The following KCNJ6 variants were observed in gnomAD, a reference collection of about 807,000 sequenced individuals.
KCNJ6 encodes G protein-activated inward rectifier potassium channel 2.
KCNJ6 carries 9 observed loss-of-function variants against 34.2 expected under a neutral mutation model. The observed-to-expected ratio is 0.26, with a 90% CI of 0.16 to 0.46. The LOEUF (loss-of-function observed/expected upper bound fraction) is 0.46. Among genes scored for constraint, KCNJ6 ranks in the 20% least tolerant of loss-of-function variants. KCNJ6 has a pLI of 1.00. For missense variants in KCNJ6, 236 were observed against 531.3 expected, an observed-to-expected ratio of 0.44 and a Z score of 5.46; for synonymous variants, 196 against 207.1, an observed-to-expected ratio of 0.95 and a Z score of 0.46.
chr21:37,914,008 G>GGTGTGT (rs371432862), intron 1 of KCNJ6, among the ~76,000 whole-genome samples: 13,642 of 135,436 alleles, frequency 0.1, 843 homozygotes, highest in South Asian at 0.17. Flanking sequence ...GGCGGATCGG[G>GGTGTGT]GTGTGTGTGT....
intron 3 of KCNJ6, among the ~76,000 whole-genome samples, chr21:37,686,793 G>A (rs74276365): frequency 2.0e-5 from 3 of 151,954 alleles, no homozygotes; most frequent in Non-Finnish European, 4.4e-5. Flanking sequence ...ATCGGGACAC[G>A]GGTGGAGACA....
rs952430812 is a variant in KCNJ6 at position 37,612,680 on chromosome 21, CAACA to C, written c.*12475_*12478del. The C allele has an allele frequency of 2.5e-5, 3 of 119,058 alleles. No homozygotes were observed. The allele number at this position is 119,058 out of a possible 1,614,324, so 7.4% of individuals were successfully genotyped here. ...AACAGTGCGGCAAAGAGGGTCTTTT[CAACA>C]AACGGTGTTGAAATAGCTGCACATT... On this transcript the variant is annotated 3_prime_UTR_variant, in exon 4 of 4. Transcript: ENST00000609713.
At chr21:37,707,916 C>A (rs557258623) in intron 3 of KCNJ6, among the ~76,000 whole-genome samples, 1 of 152,048 alleles carries the variant, frequency 6.6e-6, no homozygotes, top group East Asian at 2.0e-4. Flanking sequence ...CGTTCATCTC[C>A]TAATTTGGAT....
At chr21:37,871,933 G>A (rs1222753539) in intron 1 of KCNJ6, among the ~76,000 whole-genome samples, 1 of 152,202 alleles carries the variant, frequency 6.6e-6, no homozygotes, top group African/African-American at 2.4e-5. Context: ...AAATAACTCA[G>A]AAACATATGG....
At chr21:37,893,006 CCCAGG>C (rs2055769819) in intron 1 of KCNJ6, among the ~76,000 whole-genome samples, 1 of 151,902 alleles carries the variant, frequency 6.6e-6, no homozygotes, top group South Asian at 2.1e-4. Context: ...GCGCCCGCCA[CCCAGG>C]CCAGCTAATT....
At chr21:37,896,808 G>A (rs891027836) in intron 1 of KCNJ6, among the ~76,000 whole-genome samples, 7 of 152,172 alleles carry the variant, frequency 4.6e-5, no homozygotes, top group East Asian at 1.9e-4. Context: ...CAGAGGCAGC[G>A]GAGGACCCCA....
At chr21:37,731,445 T>C (rs2123468090) in intron 2 of KCNJ6, among the ~76,000 whole-genome samples, 1 of 152,312 alleles carries the variant, frequency 6.6e-6, no homozygotes, top group Middle Eastern at 3.4e-3. Flanking sequence ...AGCTAGGGAA[T>C]AGGATGAACA....
At chr21:37,779,846 A>G (rs1325311750) in intron 2 of KCNJ6, among the ~76,000 whole-genome samples, 1 of 152,228 alleles carries the variant, frequency 6.6e-6, no homozygotes, top group Non-Finnish European at 1.5e-5. Context: ...CCTTGAAATA[A>G]GAATGCAACA....
chr21:37,793,014 C>T (rs2055224103), intron 2 of KCNJ6, among the ~76,000 whole-genome samples: 1 of 152,118 alleles, frequency 6.6e-6, no homozygotes, highest in South Asian at 2.1e-4. Flanking sequence ...TCCGGGGGGA[C>T]TCTGATCCTA....
At chr21:37,833,531 T>C (rs2123569857) in intron 2 of KCNJ6, among the ~76,000 whole-genome samples, 1 of 152,310 alleles carries the variant, frequency 6.6e-6, no homozygotes. Flanking sequence ...TACCATGTGC[T>C]CTTCCCCACC....
intron 2 of KCNJ6, among the ~76,000 whole-genome samples, chr21:37,740,820 A>G (rs2054937620): frequency 6.6e-6 from 1 of 152,242 alleles, no homozygotes; most frequent in East Asian, 1.9e-4. Context: ...CTTTAGGTTT[A>G]GATCTTTGCC....
At chr21:37,869,474 A>G (rs1221275193) in intron 1 of KCNJ6, among the ~76,000 whole-genome samples, 1 of 152,202 alleles carries the variant, frequency 6.6e-6, no homozygotes, top group Non-Finnish European at 1.5e-5. Context: ...TAATTCTTGG[A>G]TCTGGTTAAG....
chr21:37,687,657 A>G (rs1361417022), intron 3 of KCNJ6, among the ~76,000 whole-genome samples: 1 of 151,988 alleles, frequency 6.6e-6, no homozygotes, highest in Non-Finnish European at 1.5e-5. Flanking sequence ...TAGCAAATCC[A>G]TCTCCTCCCT....
intron 3 of KCNJ6, among the ~76,000 whole-genome samples, chr21:37,629,218 G>A (rs1037247169): frequency 6.6e-6 from 1 of 152,064 alleles, no homozygotes; most frequent in Admixed American, 6.5e-5. Flanking sequence ...TGATTTTAAG[G>A]TTATTCCATT....
At chr21:37,827,749 T>C (rs968903301) in intron 2 of KCNJ6, among the ~76,000 whole-genome samples, 3 of 152,198 alleles carry the variant, frequency 2.0e-5, no homozygotes, top group African/African-American at 7.2e-5. Flanking sequence ...TTTCAATATA[T>C]GAATATATTA....
chr21:37,633,109 C>T (rs2054341143), intron 3 of KCNJ6, among the ~76,000 whole-genome samples: 1 of 151,966 alleles, frequency 6.6e-6, no homozygotes, highest in Admixed American at 6.6e-5. Context: ...TATTAGCAAA[C>T]CAAATCTAAC....
At chr21:37,692,230 C>CA (rs753895343) in intron 3 of KCNJ6, among the ~76,000 whole-genome samples, 3 of 151,748 alleles carry the variant, frequency 2.0e-5, no homozygotes, top group Non-Finnish European at 2.9e-5. Flanking sequence ...CAAAAAATCC[C>CA]AAAAAACAAA....
At chr21:37,847,685 G>A (rs1568870291) in intron 1 of KCNJ6, among the ~76,000 whole-genome samples, 1 of 151,562 alleles carries the variant, frequency 6.6e-6, no homozygotes, top group Non-Finnish European at 1.5e-5. Context: ...TAAAACACCA[G>A]AAGGGTTCTA....
intron 1 of KCNJ6, among the ~76,000 whole-genome samples, chr21:37,846,166 C>T (rs776846573): frequency 2.0e-5 from 3 of 152,162 alleles, no homozygotes; most frequent in Non-Finnish European, 4.4e-5. Context: ...AAAGGCTCAG[C>T]AACTTGCTTG....
Sources: gnomAD v4.1 joint callset for allele counts (sites outside exome capture counted in the v4.1 genomes callset) on GRCh38, gnomAD v4.1.1 for gene constraint, MANE v1.5 for transcripts, NCBI Gene and HGNC (gene_info 2026-07-23, HGNC 2026-07-21) for gene names.